Variants in RNF24 observed in about 807,000 individuals in gnomAD.
RNF24 encodes the protein ring finger protein 24.
A neutral mutation model predicts 20.0 loss-of-function variants in RNF24; 14 were observed. The observed-to-expected ratio is 0.70, with a 90% CI of 0.46 to 1.10. RNF24 has a LOEUF of 1.10. Ranked by LOEUF, RNF24 falls within the 50% of genes least tolerant of loss-of-function variation. The probability of loss-of-function intolerance (pLI) is 0.00; values close to 1 mark genes in which losing one functional copy is unlikely to be tolerated. For missense variants in RNF24, 124 were observed against 177.6 expected (o/e 0.70, Z 1.71); for synonymous variants, 45 against 61.1 (o/e 0.74, Z 1.23).
intron 2 of RNF24, among the ~76,000 whole-genome samples, chr20:3,952,750 C>CA (rs1303321660): frequency 9.3e-5 from 14 of 150,608 alleles, no homozygotes; most frequent in Admixed American, 7.9e-4. Context: ...ACTAGTTTAC[C>CA]AAAAAAAATC....
chr20:3,989,258 G>A (rs374474955), intron 1 of RNF24, among the ~76,000 whole-genome samples: 75 of 152,226 alleles, frequency 4.9e-4, no homozygotes, highest in African/African-American at 1.7e-3. Context: ...TTAGGAGGCC[G>A]AGGCAGGCGG....
chr20:3,969,167 C>G (rs1600670039), intron 1 of RNF24, among the ~76,000 whole-genome samples: 1 of 152,006 alleles, frequency 6.6e-6, no homozygotes, highest in Admixed American at 6.6e-5. Context: ...TAGAACAGTA[C>G]CTGGGCACAT....
intron 1 of RNF24, among the ~76,000 whole-genome samples, chr20:3,974,573 T>C (rs1978694148): frequency 6.6e-6 from 1 of 152,170 alleles, no homozygotes; most frequent in African/African-American, 2.4e-5. Context: ...GGATACCAGA[T>C]ATACATATAA....
chr20:4,004,084 C>A (rs971066521), intron 1 of RNF24, among the ~76,000 whole-genome samples: 1 of 152,318 alleles, frequency 6.6e-6, no homozygotes, highest in South Asian at 2.1e-4. Flanking sequence ...AAATACCAGA[C>A]TTTAGTCAAA....
At chr20:3,955,451 G>T (rs1484492360) in intron 2 of RNF24, among the ~76,000 whole-genome samples, 1 of 152,094 alleles carries the variant, frequency 6.6e-6, no homozygotes, top group East Asian at 1.9e-4. Context: ...TAGATGTTTG[G>T]ATTTATTTCT....
chr20:3,972,440 T>C (rs1017406757), intron 1 of RNF24, among the ~76,000 whole-genome samples: 11 of 152,206 alleles, frequency 7.2e-5, no homozygotes, highest in African/African-American at 2.7e-4. Flanking sequence ...ATCGAAGTCA[T>C]ATAGAGTGTG....
chr20:3,968,339 T>C (rs548647592), intron 1 of RNF24, among the ~76,000 whole-genome samples: 2 of 151,628 alleles, frequency 1.3e-5, no homozygotes, highest in African/African-American at 2.4e-5. Flanking sequence ...CTGGGTGCAG[T>C]GGTACATGCC....
rs190540126 is a variant in RNF24, at chr20:3,951,854, C to T, written c.144-3575G>A. Among the ~76,000 whole-genome samples, 232 of 152,278 alleles carry T rather than the reference C, an allele frequency of 1.5e-3. 2 individuals are homozygous for T. The highest frequency in any genetic ancestry group is 5.3e-3 in the African/African-American group (222 of 41,542). Reference sequence around the variant, plus strand: ...CTTTCAACAAGCCCCCATCCTTTCCCATGCATTTCCGTATTTACTGGCACC... The same window carrying T: ...CTTTCAACAAGCCCCCATCCTTTCCTATGCATTTCCGTATTTACTGGCACC... On this transcript the variant is annotated intron_variant, in intron 2 of 5. Transcript: ENST00000358395.
At chr20:3,984,341 T>C (rs1483051839) in intron 1 of RNF24, among the ~76,000 whole-genome samples, 1 of 152,220 alleles carries the variant, frequency 6.6e-6, no homozygotes, top group African/African-American at 2.4e-5. Flanking sequence ...TATCAAGATT[T>C]TCCCAGGACC....
intron 1 of RNF24, among the ~76,000 whole-genome samples, chr20:3,994,387 C>A (rs1310445486): frequency 6.6e-6 from 1 of 152,152 alleles, no homozygotes; most frequent in Non-Finnish European, 1.5e-5. Context: ...GGTTAAAACA[C>A]CTACCTCTGG....
chr20:3,935,209 A>G, intron 4 of RNF24, 136 bp from the exon 5 acceptor site: 1 of 608,566 alleles, frequency 1.6e-6, no homozygotes, highest in Non-Finnish European at 2.9e-6. Context: ...AAAGAAATGA[A>G]TGAATAAATG....
chr20:3,938,023 G>C, intron 4 of RNF24, among the ~76,000 whole-genome samples: 1 of 152,148 alleles, frequency 6.6e-6, no homozygotes, highest in Non-Finnish European at 1.5e-5. Flanking sequence ...ACCTTTTTGA[G>C]GAGCTACCAA....
Position 3,939,484 on chromosome 20 carries a change from T to C in RNF24, c.229-4411A>G, listed in dbSNP as rs560617421. ...TTCCCACTGAATTGTCTTGGCACCC[T>C]TGTTGAAAATCAACTGACCATAAAT... is the stretch of plus-strand genomic sequence containing the variant. On this transcript the variant is annotated intron_variant, in intron 4 of 5. Transcript: ENST00000358395. Among the ~76,000 whole-genome samples the C allele has an allele frequency of 2.0e-3, 301 of 152,362 alleles. 6 individuals carry two copies. The South Asian group carries it at 0.027, about 14-fold the overall frequency.
chr20:4,001,095 T>C lies in RNF24; in HGVS notation c.-8+14342A>G, dbSNP rs757035761. ...CAGCCTGGGCAACACAGTGAAACCCTGTCTCTACTAAAATACAAAAAATTA... is the reference window on the plus strand; with the variant it reads ...CAGCCTGGGCAACACAGTGAAACCCCGTCTCTACTAAAATACAAAAAATTA... On this transcript the variant is annotated intron_variant, in intron 1 of 5. Transcript: ENST00000358395. Among the ~76,000 whole-genome samples the C allele has an allele frequency of 3.7e-4, 56 of 152,106 alleles. No individual in the cohort carries two copies. In the Middle Eastern group the frequency reaches 0.01, roughly 28 times the overall value.
At chr20:4,004,639 C>CAT (rs1981697911) in intron 1 of RNF24, among the ~76,000 whole-genome samples, 2 of 152,144 alleles carry the variant, frequency 1.3e-5, no homozygotes, top group African/African-American at 4.8e-5. Context: ...AAGACAGAAG[C>CAT]AGAGACTAGA....
In RNF24 at chr20:3,933,042, T is replaced by C; in HGVS notation, c.*1021A>G. On this transcript the variant is annotated 3_prime_UTR_variant, in exon 6 of 6. Coordinates refer to ENST00000358395, the MANE Select transcript of RNF24 (RefSeq NM_001134337.3). ...CACAGGGATCTTATTTGGGATAAAG[T>C]GTTAAAAAGTGAATGACAGGCTTTT... 2.6e-6 allele frequency: 1 copy of C among 389,458 alleles called. No homozygotes were observed. Among genetic ancestry groups the C allele is most frequent in the African/African-American group, 2.2e-5 (1 of 45,996 alleles). The allele number at this position is 389,458 out of a possible 1,614,324, so 24.1% of individuals were successfully genotyped here.
rs993637040 is a variant in RNF24, at chr20:3,989,511, G to T, written c.-7-25487C>A. Among the ~76,000 whole-genome samples, 7 of 151,614 alleles carry T rather than the reference G, an allele frequency of 4.6e-5. No homozygotes were observed. In the East Asian group the frequency reaches 5.8e-4, roughly 13 times the overall value. On this transcript the variant is annotated intron_variant, in intron 1 of 5. Transcript: ENST00000358395. Reference sequence around the variant, plus strand: ...ATCTCAAAAAAAAAAAATAAAAAAAGAAAAACCTGTGCTGCTGACACTTGA... The same window carrying T: ...ATCTCAAAAAAAAAAAATAAAAAAATAAAAACCTGTGCTGCTGACACTTGA...
intron 1 of RNF24, among the ~76,000 whole-genome samples, chr20:3,966,043 G>C (rs1308556552): frequency 4.7e-5 from 7 of 149,456 alleles, no homozygotes; most frequent in African/African-American, 1.7e-4. Context: ...CTAATGCAGG[G>C]GAATCGCTCA....
chr20:3,937,624 A>G (rs992456289), intron 4 of RNF24, among the ~76,000 whole-genome samples: 7 of 141,552 alleles, frequency 4.9e-5, no homozygotes, highest in South Asian at 2.1e-4. Flanking sequence ...CCTTTCCCCA[A>G]TCTCTGGCAA....
Sources: allele counts gnomAD v4.1 joint callset (sites outside exome capture counted in the v4.1 genomes callset), GRCh38; gene constraint gnomAD v4.1.1; transcripts MANE v1.5; gene names NCBI Gene and HGNC (gene_info 2026-07-23, HGNC 2026-07-21).